The following RGS3 variants were observed in gnomAD, a reference collection of about 807,000 sequenced individuals.
The protein encoded by RGS3 is regulator of G protein signaling 3, also known as regulator of G-protein signalling 3.
In RGS3, 80 loss-of-function variants were observed where a neutral mutation model predicts 132.6. That is an observed-to-expected ratio of 0.60 (90% CI 0.50 to 0.73). RGS3 has a LOEUF of 0.73. Ranked by LOEUF, RGS3 falls within the 30% of genes least tolerant of loss-of-function variation. The pLI is 0.00. For missense variants in RGS3, 1,382 were observed against 1,530.8 expected (o/e 0.90, Z 1.62); for synonymous variants, 598 against 620.6 (o/e 0.96, Z 0.54).
intron 6 of RGS3, among the ~76,000 whole-genome samples, chr9:113,484,780 C>T (rs566116903): frequency 6.6e-6 from 1 of 152,220 alleles, no homozygotes; most frequent in African/African-American, 2.4e-5. Flanking sequence ...TCTCTGAACT[C>T]TGGGGCCAAT....
chr9:113,506,402 C>G lies in RGS3; in HGVS notation c.994C>G (p.Arg332Gly), dbSNP rs1046108056. Residue 332 changes from arginine (R) to glycine (G), a missense_variant, in exon 12 of 25, where the codon CGG (arginine) becomes GGG (glycine). Coordinates refer to ENST00000350696, the Ensembl canonical transcript of RGS3. The surrounding 1 kb of genome is among the most constrained non-coding windows in gnomAD (Gnocchi z 4.7). The stretch of plus-strand genomic sequence containing the variant: ...TGTCCCTGCAGGGGGTCCGGCGGAA[C>G]GGGCAGGGCTGCAGCAGCTGGACAC... 6.3e-7 allele frequency: 1 copy of G among 1,589,784 alleles called. No homozygotes were observed. Among genetic ancestry groups the G allele is most frequent in the Non-Finnish European group, 8.6e-7 (1 of 1,169,372 alleles).
At position 113,463,613 on chromosome 9, in the gene RGS3, C is replaced by A. The variant is rs1276112006; in HGVS notation, c.415+1412C>A. 8.6e-7 allele frequency: 1 copy of A among 1,164,968 alleles called. No homozygotes were observed. The highest frequency in any genetic ancestry group is 1.1e-6 in the Non-Finnish European group (1 of 891,486). 72.2% of individuals were successfully genotyped at this position (1,164,968 alleles called of 1,614,324 possible). On this transcript the variant is annotated intron_variant, in intron 3 of 24. Coordinates refer to ENST00000350696, the Ensembl canonical transcript of RGS3. The surrounding 1 kb of genome is among the most constrained non-coding windows in gnomAD (Gnocchi z 4.6). ...CCCCCACCCCGGCCCAGCTCTGCTC[C>A]GGCAGGTGGAACTCTCCCCATTCAA...
At chr9:113,520,132 T>C (rs887649660) in intron 16 of RGS3, among the ~76,000 whole-genome samples, 9 of 152,184 alleles carry the variant, frequency 5.9e-5, no homozygotes, top group African/African-American at 2.2e-4. Flanking sequence ...TCTGACCCTT[T>C]GGAAAATCAG....
At chr9:113,517,716 CT>C in intron 16 of RGS3, 92 bp downstream of exon 14, 2 of 951,804 alleles carry the variant, frequency 2.1e-6, no homozygotes, top group Non-Finnish European at 3.3e-6. Flanking sequence ...TCCTGAGTAT[CT>C]TAGAATTGTA....
intron 5 of RGS3, among the ~76,000 whole-genome samples, chr9:113,483,931 G>T (rs1317347271): frequency 6.6e-6 from 1 of 152,120 alleles, no homozygotes; most frequent in East Asian, 1.9e-4. Flanking sequence ...CCACCATGAG[G>T]CCCTGTCCTG....
At chr9:113,575,968 G>T (rs1320741474) in intron 19 of RGS3, among the ~76,000 whole-genome samples, 1 of 152,112 alleles carries the variant, frequency 6.6e-6, no homozygotes, top group African/African-American at 2.4e-5. Context: ...TGAGGTTTAC[G>T]AATGTGTATT....
At chr9:113,497,368 T>C (rs754422965) in exon 9 of RGS3, 2 of 1,613,550 alleles carry the variant, frequency 1.2e-6, no homozygotes, top group Non-Finnish European at 1.7e-6. Context: ...GACCAAGCAC[T>C]TGAAGGTGGC....
chr9:113,580,947 C>G (rs1340474133), intron 19 of RGS3: 1 of 985,208 alleles, frequency 1.0e-6, no homozygotes, highest in East Asian at 1.1e-4. Context: ...CACTCCGTGC[C>G]AGGCCCTGAG....
chr9:113,592,207 C>T (rs1408334105), intron 21 of RGS3: 2 of 152,390 alleles, frequency 1.3e-5, no homozygotes, highest in Non-Finnish European at 2.9e-5. Context: ...TTGACCTCTC[C>T]AGCTTTCTGC....
At chr9:113,594,556 ACCCTTTGG>A in intron 22 of RGS3, 25 bp downstream of exon 20, 2 of 1,596,486 alleles carry the variant, frequency 1.3e-6, no homozygotes, top group South Asian at 1.1e-5. Flanking sequence ...GCACCCTGGG[ACCCTTTGG>A]GGAACTCACT....
rs1291103989 is a variant in RGS3 at position 113,594,994 on chromosome 9, G to C, written c.3244+14G>C. ...TGGTTCACAAATGTAAGTTGGGCCT[G>C]CCTGCCCACTCCCTGTGCCCTCTCT... On this transcript the variant is annotated intron_variant, in intron 23 of 24. Coordinates refer to ENST00000350696, the Ensembl canonical transcript of RGS3. The C allele has an allele frequency of 6.2e-7, 1 of 1,613,226 alleles. No individual in the cohort carries two copies. The highest frequency in any genetic ancestry group is 8.5e-7 in the Non-Finnish European group (1 of 1,179,218).
chr9:113,509,226 A>G (rs919596019), intron 14 of RGS3, among the ~76,000 whole-genome samples: 2 of 151,918 alleles, frequency 1.3e-5, no homozygotes, highest in African/African-American at 2.4e-5. Flanking sequence ...CAGAGGTTGC[A>G]ATGAGCCGAG....
At chr9:113,501,770 G>C (rs1830909620) in intron 10 of RGS3, 10 of 928,460 alleles carry the variant, frequency 1.1e-5, no homozygotes, top group Non-Finnish European at 1.5e-5. Context: ...ATATGGGGAG[G>C]AGGATAGAGA....
chr9:113,479,682 A>T, intron 4 of RGS3, 141 bp downstream of exon 2: 1 of 765,582 alleles, frequency 1.3e-6, no homozygotes, highest in East Asian at 2.5e-5. Flanking sequence ...CCATTGATAA[A>T]AGCCAGTATT....
At position 113,506,458 on chromosome 9, in the gene RGS3, G is replaced by A. The variant is rs1408086971; in HGVS notation, c.1050G>A (p.Glu350=). 4 of 1,597,842 alleles carry A rather than the reference G, an allele frequency of 2.5e-6. No individual in the cohort carries two copies. The African/African-American group carries it at 5.3e-5, about 21-fold the overall frequency. Reference sequence around the variant, plus strand: ...TGCAGCTGAATGAGAGGCCTGTGGAGCACTGGAAATGTGTGGAGCTGGCCC... The same window carrying A: ...TGCAGCTGAATGAGAGGCCTGTGGAACACTGGAAATGTGTGGAGCTGGCCC... The change falls in exon 12 of 25, where the codon GAG becomes GAA. Residue 350 remains glutamate (E), a synonymous_variant. Transcript: ENST00000350696. The surrounding 1 kb of genome is among the most constrained non-coding windows in gnomAD (Gnocchi z 4.7).
intron 19 of RGS3, among the ~76,000 whole-genome samples, chr9:113,577,465 G>A (rs1011588641): frequency 1.3e-5 from 2 of 152,142 alleles, no homozygotes; most frequent in Non-Finnish European, 1.5e-5. Flanking sequence ...AGAAAATGAT[G>A]GCCAATTCCC....
chr9:113,589,101 C>G (rs1371815084), intron 20 of RGS3: 3 of 152,260 alleles, frequency 2.0e-5, no homozygotes. Flanking sequence ...CTGGACTCAC[C>G]TCCATCTGCT....
At chr9:113,582,837 G>A (rs986238970) in intron 19 of RGS3, 2 of 152,730 alleles carry the variant, frequency 1.3e-5, no homozygotes, top group Non-Finnish European at 2.9e-5. Flanking sequence ...GCGACATCTG[G>A]TGAGTCCAGG....
Position 113,541,304 on chromosome 9 carries a change from C to T in RGS3, c.2037+4386C>T, listed in dbSNP as rs761985439. 6 of 1,611,102 alleles carry T rather than the reference C, an allele frequency of 3.7e-6. No homozygotes were observed. In the East Asian group the frequency reaches 1.1e-4, roughly 30 times the overall value. ...AGTAGACAGCGAGCTAATTCCAGTT[C>T]TGTCTGGTTCCACAGAAACTCCACC... On this transcript the variant is annotated intron_variant, in intron 19 of 24. Coordinates refer to ENST00000350696, the Ensembl canonical transcript of RGS3.
Sources: allele counts gnomAD v4.1 joint callset (sites outside exome capture counted in the v4.1 genomes callset), GRCh38; gene constraint gnomAD v4.1.1; non-coding constraint Gnocchi (gnomAD v3.1); transcripts MANE v1.5; gene names NCBI Gene and HGNC (gene_info 2026-07-23, HGNC 2026-07-21).